The following NFIC variants were observed in gnomAD, a reference collection of about 807,000 sequenced individuals.
NFIC encodes nuclear factor 1 C-type.
NFIC carries 12 observed loss-of-function variants against 54.4 expected under a neutral mutation model. That is an observed-to-expected ratio of 0.22 (90% CI 0.14 to 0.36). The LOEUF (loss-of-function observed/expected upper bound fraction) is 0.36, where lower values mean the gene tolerates loss of function less well. Among genes scored for constraint, NFIC ranks in the 10% least tolerant of loss-of-function variants. The pLI, the probability that NFIC is intolerant of heterozygous loss-of-function variation, is 1.00. For synonymous variants in NFIC, 322 were observed against 319.2 expected, an observed-to-expected ratio of 1.01 and a Z score of -0.09; for missense variants, 575 against 718.2, an observed-to-expected ratio of 0.80 and a Z score of 2.28.
rs143763131 is a variant in NFIC, at chr19:3,463,001, A to G, written c.*232A>G. Reference sequence around the variant, plus strand: ...AATAAAAACCCACCCAAGCAAGAAGACAAAAGGTAAAGACGCAACGTTTCC... The same window carrying G: ...AATAAAAACCCACCCAAGCAAGAAGGCAAAAGGTAAAGACGCAACGTTTCC... On this transcript the variant is annotated 3_prime_UTR_variant, in exon 11 of 11. Coordinates refer to ENST00000443272, the MANE Select transcript of NFIC (RefSeq NM_001245002.2). 6.8e-5 allele frequency: 95 copies of G among 1,405,366 alleles called. No individual in the cohort carries two copies. In the African/African-American group the frequency reaches 1.3e-3, roughly 19 times the overall value. 87.1% of individuals were successfully genotyped at this position (1,405,366 alleles called of 1,614,324 possible). A position where few individuals can be genotyped will look rare whatever the true frequency, so the allele number is the denominator to read the frequency against.
At chr19:3,408,747 G>A (rs1337491037) in intron 2 of NFIC, among the ~76,000 whole-genome samples, 4 of 152,122 alleles carry the variant, frequency 2.6e-5, no homozygotes, top group South Asian at 2.1e-4. Context: ...GACTATAGGC[G>A]ACCGCCACCA....
intron 2 of NFIC, among the ~76,000 whole-genome samples, chr19:3,424,156 T>C (rs2081992782): frequency 6.6e-6 from 1 of 151,610 alleles, no homozygotes; most frequent in Non-Finnish European, 1.5e-5. Context: ...GCCTCCTGAG[T>C]AGCTGGGATT....
intron 10 of NFIC, among the ~76,000 whole-genome samples, chr19:3,462,261 A>G (rs2082653324): frequency 1.3e-5 from 2 of 151,530 alleles, no homozygotes; most frequent in South Asian, 4.2e-4. Flanking sequence ...GGACGCCTGT[A>G]ATCCCAGCTA....
At chr19:3,411,714 G>A (rs1245127320) in intron 2 of NFIC, among the ~76,000 whole-genome samples, 2 of 152,112 alleles carry the variant, frequency 1.3e-5, no homozygotes, top group Non-Finnish European at 2.9e-5. Context: ...CCCAGGTTTG[G>A]GTAAAGTCTG....
At chr19:3,434,515 T>C in intron 5 of NFIC, 115 bp downstream of exon 5, 1 of 1,419,534 alleles carries the variant, frequency 7.0e-7, no homozygotes, top group East Asian at 2.5e-5. Context: ...ACGATTCACC[T>C]GGCCTGAGAA....
At position 3,452,457 on chromosome 19, in the gene NFIC, C is replaced by T; in HGVS notation, c.1085-25C>T. ...CAGACCGGCTGGAGCCCCCAAGTAA[C>T]CCCCGCTTCCCACTGTCTCCGCAGG... On this transcript the variant is annotated intron_variant, in intron 7 of 10. Transcript: ENST00000443272. This position sits in a 1 kb window ranked among gnomAD's most constrained non-coding sequence, Gnocchi z 5.3. 6.2e-7 allele frequency: 1 copy of T among 1,606,640 alleles called. No homozygotes were observed. The highest frequency in any genetic ancestry group is 8.5e-7 in the Non-Finnish European group (1 of 1,178,562).
At chr19:3,442,772 AC>A (rs1022649641) in intron 6 of NFIC, among the ~76,000 whole-genome samples, 26 of 149,818 alleles carry the variant, frequency 1.7e-4, no homozygotes, top group African/African-American at 6.2e-4. Context: ...CTCCACCTCC[AC>A]CCCCCCTTGG....
chr19:3,383,557 C>T (rs753102219), intron 2 of NFIC, among the ~76,000 whole-genome samples: 2 of 152,172 alleles, frequency 1.3e-5, no homozygotes, highest in Non-Finnish European at 2.9e-5. Context: ...CTGGATGGGG[C>T]TATGGGAGGT....
chr19:3,384,368 CCA>C (rs2081259683), intron 2 of NFIC, among the ~76,000 whole-genome samples: 1 of 151,864 alleles, frequency 6.6e-6, no homozygotes, highest in Admixed American at 6.6e-5. Context: ...CTGCACCACA[CCA>C]GTTACCCAGT....
chr19:3,384,656 G>A (rs941169737), intron 2 of NFIC, among the ~76,000 whole-genome samples: 3 of 152,098 alleles, frequency 2.0e-5, no homozygotes, highest in African/African-American at 4.8e-5. Context: ...CCCCAAGTGC[G>A]GGGATTACAG....
chr19:3,447,486 T>C (rs2082390694), intron 6 of NFIC, among the ~76,000 whole-genome samples: 1 of 152,038 alleles, frequency 6.6e-6, no homozygotes, highest in African/African-American at 2.4e-5. Context: ...TCACCCCAAA[T>C]AGCAGCAGCA....
intron 2 of NFIC, among the ~76,000 whole-genome samples, chr19:3,400,596 T>C (rs2081539755): frequency 6.6e-6 from 1 of 152,132 alleles, no homozygotes; most frequent in African/African-American, 2.4e-5. Flanking sequence ...ATCCCAGCAC[T>C]GTGGGGGGCC....
At chr19:3,445,480 G>T (rs1288553907) in intron 6 of NFIC, among the ~76,000 whole-genome samples, 1 of 152,140 alleles carries the variant, frequency 6.6e-6, no homozygotes. Context: ...CATCCTTCCT[G>T]CCCCCCATGT....
chr19:3,420,912 G>T (rs1205467172), intron 2 of NFIC, among the ~76,000 whole-genome samples: 1 of 152,076 alleles, frequency 6.6e-6, no homozygotes, highest in Non-Finnish European at 1.5e-5. Context: ...TAGTGGAGAC[G>T]GGGTTTCACC....
chr19:3,382,657 G>A (rs2081232041), intron 2 of NFIC, among the ~76,000 whole-genome samples: 1 of 150,832 alleles, frequency 6.6e-6, no homozygotes. Flanking sequence ...ATGTGATGTG[G>A]TGGTCCAAGC....
chr19:3,364,870 G>A (rs2080861664), upstream of NFIC, among the ~76,000 whole-genome samples: 1 of 152,154 alleles, frequency 6.6e-6, no homozygotes, highest in African/African-American at 2.4e-5. Flanking sequence ...TCCCTAGCGT[G>A]TTTTAATAAA....
At chr19:3,436,129 C>T (rs181933513) in intron 6 of NFIC, among the ~76,000 whole-genome samples, 9,626 of 130,570 alleles carry the variant, frequency 0.074, 329 homozygotes, top group Middle Eastern at 0.12. Flanking sequence ...CGCCCGGCCT[C>T]TGTTTTTGTT....
chr19:3,452,900 C>G lies in NFIC; in HGVS notation c.1269+234C>G, dbSNP rs900113691. ...CACCCTGTGGGGTCTGGGTAGCACCCGTAGGTCCCAGCAACTGCGTGAGTC... is the reference window on the plus strand; with the variant it reads ...CACCCTGTGGGGTCTGGGTAGCACCGGTAGGTCCCAGCAACTGCGTGAGTC... On this transcript the variant is annotated intron_variant, in intron 8 of 10. Coordinates refer to ENST00000443272, the MANE Select transcript of NFIC (RefSeq NM_001245002.2). This position sits in a 1 kb window ranked among gnomAD's most constrained non-coding sequence, Gnocchi z 5.3. 6.6e-6 allele frequency among the ~76,000 whole-genome samples: 1 copy of G among 152,128 alleles called. No homozygotes were observed. The highest frequency in any genetic ancestry group is 1.5e-5 in the Non-Finnish European group (1 of 68,014).
chr19:3,414,592 C>CTAAAA (rs150304662), intron 2 of NFIC, among the ~76,000 whole-genome samples: 3,258 of 131,696 alleles, frequency 0.025, 54 homozygotes, highest in Middle Eastern at 0.065. Context: ...GAGACTGCAT[C>CTAAAA]TAAAATAAAA....
Sources: gnomAD v4.1 joint callset for allele counts (sites outside exome capture counted in the v4.1 genomes callset) on GRCh38, gnomAD v4.1.1 for gene constraint, Gnocchi (gnomAD v3.1) non-coding constraint, MANE v1.5 for transcripts, NCBI Gene and HGNC (gene_info 2026-07-23, HGNC 2026-07-21) for gene names.